HDAC9: variants seen among roughly 807,000 people sequenced by gnomAD.
HDAC9 encodes the protein MEF-2 interacting transcription repressor (MITR) protein.
HDAC9 carries 41 observed loss-of-function variants against 139.4 expected under a neutral mutation model. That is an observed-to-expected ratio of 0.29 (90% confidence interval 0.23 to 0.38). The LOEUF (loss-of-function observed/expected upper bound fraction) is 0.38, where lower values mean the gene tolerates loss of function less well. Ranked by LOEUF, HDAC9 falls within the 10% of genes least tolerant of loss-of-function variation. The pLI, the probability that HDAC9 is intolerant of heterozygous loss-of-function variation, is 1.00. For missense variants in HDAC9, 1,147 were observed against 1,297.0 expected (o/e 0.88, Z 1.78); for synonymous variants, 517 against 476.2 (o/e 1.09, Z -1.12).
intron 13 of HDAC9, among the ~76,000 whole-genome samples, chr7:18,737,449 G>T (rs1787030547): frequency 6.6e-6 from 1 of 152,150 alleles, no homozygotes; most frequent in South Asian, 2.1e-4. Context: ...GTTCTCACTG[G>T]TTTCAAAGAA....
intron 21 of HDAC9, among the ~76,000 whole-genome samples, chr7:18,858,607 A>G (rs868563959): frequency 1.3e-5 from 2 of 152,310 alleles, no homozygotes; most frequent in South Asian, 4.1e-4. Flanking sequence ...AACATTTCCT[A>G]TCTAGAATGT....
chr7:18,222,585 C>T (rs1406827426), intron 2 of HDAC9, among the ~76,000 whole-genome samples: 2 of 152,102 alleles, frequency 1.3e-5, no homozygotes, highest in Non-Finnish European at 2.9e-5. Flanking sequence ...AATCTTACCC[C>T]CTACAGATGA....
At chr7:18,511,509 A>C (rs1024689482) in intron 2 of HDAC9, among the ~76,000 whole-genome samples, 1 of 152,022 alleles carries the variant, frequency 6.6e-6, no homozygotes, top group African/African-American at 2.4e-5. Flanking sequence ...CGGTGGGAGG[A>C]TTGCTTGAGC....
chr7:18,883,763 T>A (rs556585520), intron 22 of HDAC9, among the ~76,000 whole-genome samples: 2 of 152,182 alleles, frequency 1.3e-5, no homozygotes, highest in East Asian at 3.9e-4. Context: ...TGTTTCCAAA[T>A]GACATGATTT....
intron 6 of HDAC9, among the ~76,000 whole-genome samples, chr7:18,608,668 T>A (rs901992608): frequency 2.0e-4 from 31 of 152,184 alleles, no homozygotes; most frequent in African/African-American, 7.5e-4. Flanking sequence ...TCATCCCAAT[T>A]AGATGATAAA....
intron 9 of HDAC9, among the ~76,000 whole-genome samples, chr7:18,646,479 C>T (rs1245327639): frequency 6.6e-6 from 1 of 152,100 alleles, no homozygotes; most frequent in African/African-American, 2.4e-5. Context: ...TTTAGCATTG[C>T]TTTGCCAACG....
intron 2 of HDAC9, among the ~76,000 whole-genome samples, chr7:18,563,050 TC>T (rs1821101537): frequency 6.6e-6 from 1 of 152,112 alleles, no homozygotes; most frequent in South Asian, 2.1e-4. Flanking sequence ...TATTTACTGA[TC>T]AAATTTTCCA....
At chr7:18,773,219 T>C (rs181494147) in intron 16 of HDAC9, among the ~76,000 whole-genome samples, 1 of 152,208 alleles carries the variant, frequency 6.6e-6, no homozygotes, top group African/African-American at 2.4e-5. Flanking sequence ...TTCATTTTCT[T>C]ATTTAAAGTA....
chr7:18,237,319 A>G (rs1245081050), intron 2 of HDAC9, among the ~76,000 whole-genome samples: 1 of 152,220 alleles, frequency 6.6e-6, no homozygotes, highest in African/African-American at 2.4e-5. Flanking sequence ...CTGACATAGT[A>G]ATTTAATAAA....
At chr7:18,852,998 A>G (rs1357434428) in intron 21 of HDAC9, among the ~76,000 whole-genome samples, 1 of 152,098 alleles carries the variant, frequency 6.6e-6, no homozygotes, top group Non-Finnish European at 1.5e-5. Flanking sequence ...CAGTATTTAC[A>G]TGGGGAGCGC....
intron 1 of HDAC9, among the ~76,000 whole-genome samples, chr7:18,460,420 G>C (rs913239862): frequency 1.3e-5 from 2 of 151,938 alleles, no homozygotes; most frequent in African/African-American, 4.8e-5. Flanking sequence ...AATAGCAACT[G>C]CATTTGAGGA....
At chr7:18,388,084 C>T (rs1271709178) in intron 1 of HDAC9, among the ~76,000 whole-genome samples, 1 of 152,078 alleles carries the variant, frequency 6.6e-6, no homozygotes, top group Non-Finnish European at 1.5e-5. Context: ...TATGTGGGCC[C>T]ATCTTATCCA....
chr7:18,190,873 T>C (rs1466203722), intron 2 of HDAC9, among the ~76,000 whole-genome samples: 1 of 152,220 alleles, frequency 6.6e-6, no homozygotes, highest in African/African-American at 2.4e-5. Flanking sequence ...TTTACCTTTG[T>C]AAACTCCTAC....
intron 16 of HDAC9, among the ~76,000 whole-genome samples, chr7:18,781,459 G>A (rs1456458666): frequency 6.6e-6 from 1 of 152,002 alleles, no homozygotes; most frequent in East Asian, 1.9e-4. Flanking sequence ...AATAGGTAGT[G>A]TTTGTAAAGT....
chr7:18,228,424 C>A (rs776703869), intron 2 of HDAC9, among the ~76,000 whole-genome samples: 29 of 151,770 alleles, frequency 1.9e-4, no homozygotes, highest in Non-Finnish European at 3.8e-4. Flanking sequence ...ACAGTTTTAC[C>A]CATTCAACAA....
intron 13 of HDAC9, among the ~76,000 whole-genome samples, chr7:18,737,389 C>G (rs909645953): frequency 5.9e-5 from 9 of 152,194 alleles, no homozygotes; most frequent in Non-Finnish European, 1.0e-4. Context: ...ACATTTCCCT[C>G]TACACACTGC....
intron 13 of HDAC9, among the ~76,000 whole-genome samples, chr7:18,732,575 A>G (rs10275157): frequency 1.1e-4 from 8 of 75,436 alleles, no homozygotes; most frequent in African/African-American, 1.5e-4. Flanking sequence ...ATATATGTGC[A>G]TGTGTATATA....
exon 1 of HDAC9, chr7:18,087,004 G>A (rs1781832765): frequency 6.6e-6 from 1 of 150,964 alleles, no homozygotes; most frequent in Admixed American, 6.6e-5. Context: ...CTTTCGCCGC[G>A]GTCTCCTCCT....
chr7:18,761,956 G>A (rs1006981203), intron 14 of HDAC9, among the ~76,000 whole-genome samples: 4 of 152,076 alleles, frequency 2.6e-5, no homozygotes, highest in Non-Finnish European at 5.9e-5. Context: ...GCCCATTTAG[G>A]TATAAGCAAT....
Sources: allele counts gnomAD v4.1 joint callset (sites outside exome capture counted in the v4.1 genomes callset), GRCh38; gene constraint gnomAD v4.1.1; transcripts MANE v1.5; gene names NCBI Gene and HGNC (gene_info 2026-07-23, HGNC 2026-07-21).